Variants in PRDM1 observed in about 807,000 individuals in gnomAD.
The protein encoded by PRDM1 is PR domain zinc finger protein 1.
PRDM1 carries 13 observed loss-of-function variants against 62.8 expected under a neutral mutation model. The observed-to-expected ratio is 0.21, with a 90% CI of 0.13 to 0.33. The LOEUF (loss-of-function observed/expected upper bound fraction) is 0.33. PRDM1 is among the 10% of genes least tolerant of loss of function. The probability of loss-of-function intolerance (pLI) is 1.00; values close to 1 mark genes in which losing one functional copy is unlikely to be tolerated. For synonymous variants in PRDM1, 396 were observed against 417.6 expected (o/e 0.95, Z 0.63); for missense variants, 895 against 1,058.8 (o/e 0.85, Z 2.15).
intron 1 of PRDM1, among the ~76,000 whole-genome samples, chr6:106,020,197 A>C (rs1470283440): frequency 1.1e-4 from 17 of 150,958 alleles, no homozygotes; most frequent in South Asian, 4.2e-4. Flanking sequence ...AAAAAAAAAA[A>C]CCCACAAACA....
chr6:106,106,072 G>A lies in PRDM1; in HGVS notation c.1773+139G>A. On this transcript the variant is annotated intron_variant, in intron 5 of 6. Coordinates refer to ENST00000369096, the MANE Select transcript of PRDM1 (RefSeq NM_001198.4). The surrounding 1 kb of genome is among the most constrained non-coding windows in gnomAD (Gnocchi z 4.4). ...GGGATAGTGGGTATGGATTCCGCCT[G>A]GCTTTTGCCACTTCTAGCTCTTTGA... 7.5e-7 allele frequency: 1 copy of A among 1,326,272 alleles called. No individual in the cohort carries two copies. The highest frequency in any genetic ancestry group is 1.0e-6 in the Non-Finnish European group (1 of 990,812). The allele number at this position is 1,326,272 out of a possible 1,614,324, so 82.2% of individuals were successfully genotyped here. A position where few individuals can be genotyped will look rare whatever the true frequency, so the allele number is the denominator to read the frequency against.
chr6:106,104,255 A>C (rs1470624111), intron 4 of PRDM1, among the ~76,000 whole-genome samples: 1 of 145,788 alleles, frequency 6.9e-6, no homozygotes, highest in East Asian at 2.0e-4. Context: ...CTTGTTGCCC[A>C]GTCTGGAGTG....
At chr6:106,009,080 G>A (rs912882952) in intron 1 of PRDM1, among the ~76,000 whole-genome samples, 13 of 152,132 alleles carry the variant, frequency 8.5e-5, no homozygotes, top group Admixed American at 2.0e-4. Flanking sequence ...TTTCGCTCAC[G>A]CCCCCTTCTG....
In PRDM1 at chr6:106,107,083, G is replaced by T. The variant is rs763153935; in HGVS notation, c.2075G>T (p.Cys692Phe). Residue 692 changes from cysteine to phenylalanine, a missense_variant, in exon 7 of 7, where the codon TGC (cysteine) becomes TTC (phenylalanine). Transcript: ENST00000369096. ...TRERPHKCSQ[C>F]HKNYIHLCSL... ...GAGCGGCCCCACAAGTGCTCCCAGT[G>T]CCACAAGAACTACATCCATCTCTGT... The T allele has an allele frequency of 6.2e-7, 1 of 1,614,212 alleles. No homozygotes were observed. The highest frequency in any genetic ancestry group is 1.1e-5 in the South Asian group (1 of 91,088).
chr6:106,071,394 T>TAC (rs369398368), intron 1 of PRDM1, among the ~76,000 whole-genome samples: 70 of 151,524 alleles, frequency 4.6e-4, no homozygotes, highest in East Asian at 7.8e-4. Flanking sequence ...TATATATATA[T>TAC]ACACACACAC....
chr6:105,998,936 T>A (rs1582420908), intron 1 of PRDM1, among the ~76,000 whole-genome samples: 2 of 3,740 alleles, frequency 5.3e-4, no homozygotes, highest in Admixed American at 3.0e-3. Context: ...TATATATATT[T>A]TTTTTTTTTT....
intron 1 of PRDM1, among the ~76,000 whole-genome samples, chr6:106,031,856 G>A (rs1316016508): frequency 1.3e-5 from 2 of 152,150 alleles, no homozygotes; most frequent in Admixed American, 6.5e-5. Context: ...CAAAAAGCCC[G>A]AGTTGGAGTG....
At chr6:106,026,237 G>A (rs1026685146) in intron 1 of PRDM1, among the ~76,000 whole-genome samples, 10 of 152,158 alleles carry the variant, frequency 6.6e-5, no homozygotes. Context: ...CTAGCACTTT[G>A]AGAGGCCAAG....
Position 106,086,588 on chromosome 6 carries a change from C to T in PRDM1, c.35C>T (p.Thr12Met), listed in dbSNP as rs1301847153. The T allele has an allele frequency of 6.4e-7, 1 of 1,551,086 alleles. No homozygotes were observed. ...LDICLEKRVG[T>M]TLAAPKCNSS... The stretch of plus-strand genomic sequence containing the variant: ...ATTTGCTTGGAAAAACGTGTGGGTA[C>T]GACCTTGGTAAGGAACTTGAATTTT... The change falls in exon 1 of 7, where the codon ACG (threonine) becomes ATG (methionine). Residue 12 changes from threonine (T) to methionine (M), a missense_variant. Thr to Met is a moderately conservative substitution (Grantham distance 81). Transcript: ENST00000369096.
chr6:106,022,416 C>T (rs933118990), intron 1 of PRDM1, among the ~76,000 whole-genome samples: 3 of 148,566 alleles, frequency 2.0e-5, no homozygotes, highest in African/African-American at 2.5e-5. Context: ...ACCACCACCA[C>T]GCCCAGCTAA....
Position 106,108,197 on chromosome 6 carries a change from G to A in PRDM1, c.*711G>A, listed in dbSNP as rs1357638646. The A allele has an allele frequency of 8.6e-6, 2 of 233,450 alleles. No homozygotes were observed. The highest frequency in any genetic ancestry group is 2.2e-5 in the African/African-American group (1 of 45,266). 14.5% of individuals were successfully genotyped at this position (233,450 alleles called of 1,614,324 possible). A position where few individuals can be genotyped will look rare whatever the true frequency, so the allele number is the denominator to read the frequency against. ...AACTTAAGTAGAAGAAACAAGAAAG[G>A]GAATCTTGTATATTTTTGTTGATAG... On this transcript the variant is annotated 3_prime_UTR_variant, in exon 7 of 7. Transcript: ENST00000369096.
chr6:106,088,533 A>AGGTTTTCAGAGATATAC, intron 2 of PRDM1, 84 bp downstream of exon 2: 1 of 1,480,114 alleles, frequency 6.8e-7, no homozygotes, highest in Non-Finnish European at 9.3e-7. Context: ...TATATCTCTG[A>AGGTTTTCAGAGATATAC]AAACCTCTGA....
intron 4 of PRDM1, among the ~76,000 whole-genome samples, chr6:106,101,071 A>G (rs994156709): frequency 1.3e-5 from 2 of 152,154 alleles, no homozygotes; most frequent in African/African-American, 4.8e-5. Flanking sequence ...GCACAGGCAC[A>G]GTGGCATTTT....
chr6:106,053,453 G>GA (rs532231755), intron 1 of PRDM1, among the ~76,000 whole-genome samples: 3 of 151,576 alleles, frequency 2.0e-5, no homozygotes, highest in African/African-American at 4.9e-5. Flanking sequence ...GTTTTAAAAA[G>GA]AAAAAACACA....
At chr6:106,051,887 T>C (rs1232149114) in intron 1 of PRDM1, among the ~76,000 whole-genome samples, 1 of 152,198 alleles carries the variant, frequency 6.6e-6, no homozygotes, top group African/African-American at 2.4e-5. Context: ...AATCAGAATT[T>C]ACACGAAAAA....
intron 1 of PRDM1, among the ~76,000 whole-genome samples, chr6:106,052,031 G>C (rs566557439): frequency 2.0e-5 from 3 of 152,294 alleles, no homozygotes; most frequent in Admixed American, 2.0e-4. Context: ...TAGGGGTAGG[G>C]AGGAATGAAT....
At chr6:106,034,559 C>CTGTTAT (rs1772895772) in intron 1 of PRDM1, among the ~76,000 whole-genome samples, 1 of 150,348 alleles carries the variant, frequency 6.7e-6, no homozygotes, top group Non-Finnish European at 1.5e-5. Flanking sequence ...GGTTTCCCTT[C>CTGTTAT]TGTTATTGAT....
At chr6:106,002,948 A>G (rs2114543671) in intron 1 of PRDM1, among the ~76,000 whole-genome samples, 1 of 152,300 alleles carries the variant, frequency 6.6e-6, no homozygotes, top group Non-Finnish European at 1.5e-5. Context: ...ATTACATGTT[A>G]TGGAATTTAG....
Position 106,107,310 on chromosome 6 carries a change from G to C in PRDM1, c.2302G>C (p.Glu768Gln), listed in dbSNP as rs1481077986. 1.9e-6 allele frequency: 3 copies of C among 1,614,150 alleles called. No homozygotes were observed. The highest frequency in any genetic ancestry group is 1.6e-4 in the Middle Eastern group (1 of 6,062). Residue 768 changes from glutamate (E) to glutamine (Q), a missense_variant, in exon 7 of 7, where the codon GAA (glutamate) becomes CAA (glutamine). Physicochemically the swap from Glu to Gln is conservative, Grantham distance 29 (BLOSUM62 2). Around this residue, in one of 4 missense-constraint regions of PRDM1, gnomAD observed 164 missense variants for 179.9 expected, o/e 0.91. Transcript: ENST00000369096. ...TCTGGCCGTGGTCAGAAAAGAGAAA[G>C]AAGAAACTGGCCTGAAAGTGTCTTT... ...EILAVVRKEKEETGLKVSLQR... is the reference protein window; with the variant it reads ...EILAVVRKEKQETGLKVSLQR...
Sources: gnomAD v4.1 joint callset for allele counts (sites outside exome capture counted in the v4.1 genomes callset) on GRCh38, gnomAD v4.1.1 for gene constraint, gnomAD v4.1.1 regional missense constraint, Gnocchi (gnomAD v3.1) non-coding constraint, MANE v1.5 for transcripts, NCBI Gene and HGNC (gene_info 2026-07-23, HGNC 2026-07-21) for gene names.